TNRC6B: variants seen among roughly 807,000 people sequenced by gnomAD.
TNRC6B encodes the protein trinucleotide repeat containing adaptor 6B, also known as trinucleotide repeat-containing gene 6B protein.
Under a neutral mutation model 203.6 loss-of-function variants are expected in TNRC6B, and 52 were observed. The ratio of observed to expected loss-of-function variants is 0.26; its 90% CI spans 0.20 to 0.32. TNRC6B has a LOEUF of 0.32. Ranked by LOEUF, TNRC6B falls within the 10% of genes least tolerant of loss-of-function variation. The probability of loss-of-function intolerance (pLI) is 1.00; values close to 1 mark genes in which losing one functional copy is unlikely to be tolerated. For synonymous variants in TNRC6B, 838 were observed against 845.7 expected (o/e 0.99, Z 0.16); for missense variants, 1,923 against 2,286.2 (o/e 0.84, Z 3.24).
At position 40,300,936 on chromosome 22, in the gene TNRC6B, G is replaced by A; in HGVS notation, c.3867G>A (p.Gln1289=). Residue 1289 remains glutamine (Q), a synonymous_variant, in exon 14 of 23, where the codon CAG becomes CAA. Coordinates refer to ENST00000454349, the MANE Select transcript of TNRC6B (RefSeq NM_001162501.2). ...CATGTCAGCTTCTCTTGCAGCAGCA[G>A]CAACAGCAGCAGTTGTTACAGAACC... ...QLACQLLLQQ[Q]QQQQLLQNQR... is the part of the protein sequence containing the mutation. 1.9e-6 allele frequency: 3 copies of A among 1,613,820 alleles called. No homozygotes were observed. The highest frequency in any genetic ancestry group is 2.5e-6 in the Non-Finnish European group (3 of 1,179,832).
chr22:40,083,206 G>A (rs150636199), intron 1 of TNRC6B, among the ~76,000 whole-genome samples: 1,581 of 152,286 alleles, frequency 0.01, 34 homozygotes, highest in African/African-American at 0.036. Context: ...CCAGGAGAGT[G>A]TGGTGCCCTA....
rs2071389105 is a variant in TNRC6B at position 40,325,414 on chromosome 22, C to T, written c.*2173C>T. On this transcript the variant is annotated 3_prime_UTR_variant, in exon 23 of 23. Transcript: ENST00000454349. Reference sequence around the variant, plus strand: ...TCTGGCTTACCCTGTTGATTATAAACCTAGCCTCAAAAGAGATTGACAGGC... The same window carrying T: ...TCTGGCTTACCCTGTTGATTATAAATCTAGCCTCAAAAGAGATTGACAGGC... The T allele has an allele frequency of 6.6e-6, 1 of 152,610 alleles. No homozygotes were observed. The highest frequency in any genetic ancestry group is 2.4e-5 in the African/African-American group (1 of 41,444). The allele number at this position is 152,610 out of a possible 1,614,324, so 9.5% of individuals were successfully genotyped here.
intron 4 of TNRC6B, among the ~76,000 whole-genome samples, chr22:40,166,914 A>C (rs988073393): frequency 2.6e-5 from 4 of 152,060 alleles, no homozygotes; most frequent in African/African-American, 7.2e-5. Context: ...AAAAAGAAAA[A>C]ATTGTTAGCA....
chr22:40,109,974 A>G lies in TNRC6B; in HGVS notation c.-120-7081A>G, dbSNP rs1363950995. On this transcript the variant is annotated intron_variant, in intron 1 of 23. Transcript: ENST00000301923. The stretch of plus-strand genomic sequence containing the variant: ...ATTGTTAATGATTATTCATATTACT[A>G]TCATCATTATCAATGTTCAACTCAC... Among the ~76,000 whole-genome samples the G allele has an allele frequency of 2.0e-5, 3 of 152,230 alleles. No homozygotes were observed. The East Asian group carries it at 5.8e-4, about 29-fold the overall frequency.
At chr22:40,292,785 G>A (rs1014054149) in intron 12 of TNRC6B, among the ~76,000 whole-genome samples, 7 of 152,214 alleles carry the variant, frequency 4.6e-5, no homozygotes, top group Admixed American at 3.9e-4. Flanking sequence ...GAGAAGTTGA[G>A]CACGGCTGGG....
intron 1 of TNRC6B, among the ~76,000 whole-genome samples, chr22:40,235,773 G>C (rs1474238543): frequency 1.3e-5 from 2 of 152,174 alleles, no homozygotes; most frequent in Non-Finnish European, 2.9e-5. Flanking sequence ...CTAACAATTT[G>C]AGCATGTTAA....
intron 21 of TNRC6B, 113 bp from the exon 22 acceptor site, chr22:40,320,977 A>G (rs2071327101): frequency 5.6e-6 from 7 of 1,255,344 alleles, no homozygotes; most frequent in Non-Finnish European, 6.7e-6. Context: ...GCATTTATGG[A>G]AACTATTTGC....
chr22:40,294,717 C>T (rs1366414479), intron 12 of TNRC6B, among the ~76,000 whole-genome samples: 2 of 152,192 alleles, frequency 1.3e-5, no homozygotes, highest in Non-Finnish European at 2.9e-5. Flanking sequence ...CTATACTCAC[C>T]CTCCTTTCCC....
chr22:40,308,282 C>T (rs775892733), intron 15 of TNRC6B, among the ~76,000 whole-genome samples: 14 of 152,232 alleles, frequency 9.2e-5, no homozygotes, highest in Non-Finnish European at 1.5e-4. Context: ...TGCACTGAGA[C>T]AGACCTGATC....
chr22:40,292,764 T>C (rs1450175735), intron 12 of TNRC6B, among the ~76,000 whole-genome samples: 1 of 152,182 alleles, frequency 6.6e-6, no homozygotes, highest in African/African-American at 2.4e-5. Flanking sequence ...ACATTTGCAA[T>C]CCTAAGAAAG....
chr22:40,156,303 G>T lies in TNRC6B; in HGVS notation c.113+121G>T. The T allele has an allele frequency of 2.2e-6, 2 of 919,520 alleles. 1 individual carries two copies. Among genetic ancestry groups the T allele is most frequent in the Non-Finnish European group, 3.3e-6 (2 of 604,036 alleles). 57.0% of individuals were successfully genotyped at this position (919,520 alleles called of 1,614,324 possible). ...GTTGGAGACATTGGGGAACTCACCAGTTGCTTTGGTGGCTGTTAATGCATT... is the reference window on the plus strand; with the variant it reads ...GTTGGAGACATTGGGGAACTCACCATTTGCTTTGGTGGCTGTTAATGCATT... On this transcript the variant is annotated intron_variant, in intron 4 of 23. Coordinates refer to the TNRC6B transcript ENST00000301923.
rs766281779 is a variant in TNRC6B, at chr22:40,178,907, A to G, written c.5+767A>G. ...TGGTGTTTTAAAGATATGAACAGCT[A>G]TTCACCGCGATTAGAAATTATTTCT... On this transcript the variant is annotated intron_variant, in intron 1 of 22. Coordinates refer to ENST00000454349, the MANE Select transcript of TNRC6B (RefSeq NM_001162501.2). Among the ~76,000 whole-genome samples the G allele has an allele frequency of 3.9e-5, 6 of 152,198 alleles. No individual in the cohort carries two copies. The East Asian group carries it at 5.8e-4, about 15-fold the overall frequency.
chr22:40,108,346 C>A (rs1181330170), intron 1 of TNRC6B, among the ~76,000 whole-genome samples: 1 of 152,206 alleles, frequency 6.6e-6, no homozygotes, highest in Non-Finnish European at 1.5e-5. Context: ...CTGAGATTCA[C>A]CACGGAGGTT....
At chr22:40,252,305 C>A (rs1166607911) in intron 3 of TNRC6B, among the ~76,000 whole-genome samples, 1 of 152,178 alleles carries the variant, frequency 6.6e-6, no homozygotes, top group Non-Finnish European at 1.5e-5. Context: ...AGTACATGTC[C>A]CTAGTTGAGA....
intron 1 of TNRC6B, among the ~76,000 whole-genome samples, chr22:40,218,111 C>G (rs576065493): frequency 6.6e-5 from 10 of 151,932 alleles, no homozygotes; most frequent in Non-Finnish European, 1.5e-4. Context: ...CTGTCCTTTA[C>G]AGACTATGGC....
chr22:40,075,011 G>C (rs1037194590), intron 1 of TNRC6B, among the ~76,000 whole-genome samples: 4 of 151,416 alleles, frequency 2.6e-5, no homozygotes, highest in Admixed American at 1.3e-4. Flanking sequence ...TTTGAGATCT[G>C]TCATGATTTG....
At chr22:40,275,941 A>G (rs774676578) in intron 7 of TNRC6B, among the ~76,000 whole-genome samples, 2 of 151,674 alleles carry the variant, frequency 1.3e-5, no homozygotes, top group South Asian at 2.1e-4. Flanking sequence ...CCTGGGTGAC[A>G]AGAGCGAAAC....
chr22:40,281,375 T>C, intron 11 of TNRC6B, 86 bp downstream of exon 11: 1 of 1,198,198 alleles, frequency 8.3e-7, no homozygotes, highest in Non-Finnish European at 1.1e-6. Flanking sequence ...TTTGTCTGTC[T>C]TGGGAAATTT....
intron 3 of TNRC6B, among the ~76,000 whole-genome samples, chr22:40,155,645 G>T (rs1004676180): frequency 6.6e-6 from 1 of 152,204 alleles, no homozygotes; most frequent in East Asian, 1.9e-4. Context: ...GAGTGGATAA[G>T]AGTTGCTATT....
Sources: gnomAD v4.1 joint callset for allele counts (sites outside exome capture counted in the v4.1 genomes callset) on GRCh38, gnomAD v4.1.1 for gene constraint, MANE v1.5 for transcripts, NCBI Gene and HGNC (gene_info 2026-07-23, HGNC 2026-07-21) for gene names.